Variants in CAMK2D observed in about 807,000 individuals in gnomAD.
CAMK2D encodes the protein calcium/calmodulin dependent protein kinase II delta.
A neutral mutation model predicts 84.0 loss-of-function variants in CAMK2D; 37 were observed. That is an observed-to-expected ratio of 0.44 (90% CI 0.34 to 0.58). The LOEUF is 0.58. Among genes scored for constraint, CAMK2D ranks in the 20% least tolerant of loss-of-function variants. The pLI, the probability that CAMK2D is intolerant of heterozygous loss-of-function variation, is 0.02. For missense variants in CAMK2D, 448 were observed against 652.5 expected (o/e 0.69, Z 3.41); for synonymous variants, 202 against 212.5 (o/e 0.95, Z 0.43).
At chr4:113,694,518 G>A (rs777097645) in intron 2 of CAMK2D, among the ~76,000 whole-genome samples, 6 of 152,126 alleles carry the variant, frequency 3.9e-5, no homozygotes, top group Non-Finnish European at 8.8e-5. Context: ...TGGGGAATGT[G>A]GGTCACATGT....
intron 2 of CAMK2D, among the ~76,000 whole-genome samples, chr4:113,733,545 C>T (rs1187324526): frequency 6.6e-6 from 1 of 152,120 alleles, no homozygotes; most frequent in African/African-American, 2.4e-5. Context: ...AGGGAAAAGT[C>T]AAGTTATCAG....
At chr4:113,754,032 T>G (rs1241308156) in intron 2 of CAMK2D, 1 of 890,070 alleles carries the variant, frequency 1.1e-6, no homozygotes, top group African/African-American at 1.8e-5. Context: ...CATTTAATAT[T>G]TATTAAATAA....
At chr4:113,684,405 A>G (rs1208723807) in intron 2 of CAMK2D, among the ~76,000 whole-genome samples, 1 of 152,226 alleles carries the variant, frequency 6.6e-6, no homozygotes, top group Non-Finnish European at 1.5e-5. Flanking sequence ...GCCAGAATAT[A>G]AGACATAAAA....
intron 2 of CAMK2D, among the ~76,000 whole-genome samples, chr4:113,738,326 A>G: frequency 6.6e-6 from 1 of 152,102 alleles, no homozygotes; most frequent in African/African-American, 2.4e-5. Context: ...CCTAAATATT[A>G]TACAAGATGG....
intron 2 of CAMK2D, among the ~76,000 whole-genome samples, chr4:113,710,018 G>A (rs2099487087): frequency 1.3e-5 from 2 of 151,400 alleles, no homozygotes; most frequent in African/African-American, 4.9e-5. Flanking sequence ...TAGGATATTT[G>A]GAAGAAAACT....
intron 4 of CAMK2D, among the ~76,000 whole-genome samples, chr4:113,586,763 C>G (rs1247300154): frequency 2.6e-5 from 4 of 152,074 alleles, no homozygotes; most frequent in Non-Finnish European, 5.9e-5. Context: ...TTATAACATC[C>G]AGAAGCTTAC....
intron 2 of CAMK2D, among the ~76,000 whole-genome samples, chr4:113,741,734 A>G (rs1414885709): frequency 6.6e-6 from 1 of 152,082 alleles, no homozygotes; most frequent in Non-Finnish European, 1.5e-5. Context: ...TAAGATCCAA[A>G]TTCCTTAACT....
At chr4:113,630,985 C>T (rs564942766) in intron 3 of CAMK2D, among the ~76,000 whole-genome samples, 23 of 152,180 alleles carry the variant, frequency 1.5e-4, no homozygotes, top group African/African-American at 3.9e-4. Context: ...TCATGGATCA[C>T]GACATATTAA....
At chr4:113,722,966 T>C (rs533641262) in intron 2 of CAMK2D, among the ~76,000 whole-genome samples, 13 of 152,258 alleles carry the variant, frequency 8.5e-5, no homozygotes, top group Admixed American at 7.8e-4. Flanking sequence ...GAAGGAAATA[T>C]TAAAAATGGG....
At chr4:113,531,935 T>G (rs2098461262) in intron 7 of CAMK2D, among the ~76,000 whole-genome samples, 1 of 152,206 alleles carries the variant, frequency 6.6e-6, no homozygotes, top group Non-Finnish European at 1.5e-5. Context: ...AAAATATTTA[T>G]TTCTGAAAAT....
At chr4:113,651,848 T>C (rs2099174270) in intron 3 of CAMK2D, among the ~76,000 whole-genome samples, 1 of 152,100 alleles carries the variant, frequency 6.6e-6, no homozygotes, top group South Asian at 2.1e-4. Context: ...CTAAAAGATG[T>C]AAAAGATAAG....
chr4:113,657,712 A>G (rs534185555), intron 3 of CAMK2D, among the ~76,000 whole-genome samples: 1 of 152,290 alleles, frequency 6.6e-6, no homozygotes, highest in Non-Finnish European at 1.5e-5. Flanking sequence ...TTGGTTTAAA[A>G]TGTGTTTCTT....
chr4:113,616,660 A>G (rs1167729840), intron 3 of CAMK2D, among the ~76,000 whole-genome samples: 1 of 152,190 alleles, frequency 6.6e-6, no homozygotes, highest in Admixed American at 6.5e-5. Flanking sequence ...AAACAGCATG[A>G]AAGAACAATC....
chr4:113,623,771 T>A (rs2099056525), intron 3 of CAMK2D, among the ~76,000 whole-genome samples: 1 of 151,838 alleles, frequency 6.6e-6, no homozygotes, highest in Non-Finnish European at 1.5e-5. Flanking sequence ...TGTTATGTTT[T>A]AATTAGTAAA....
At chr4:113,670,920 T>G (rs2099279008) in intron 2 of CAMK2D, among the ~76,000 whole-genome samples, 1 of 151,610 alleles carries the variant, frequency 6.6e-6, no homozygotes, top group African/African-American at 2.4e-5. Flanking sequence ...AGAGCGAGAC[T>G]CCGTCTCAAA....
At position 113,541,125 on chromosome 4, in the gene CAMK2D, A is replaced by T. The variant is rs1280166298; in HGVS notation, c.415-3682T>A. ...AAGTTTTCTTGAAACTGTTCAAATGACTCAAAGTACATAGGCAGGTTGATG... is the reference window on the plus strand; with the variant it reads ...AAGTTTTCTTGAAACTGTTCAAATGTCTCAAAGTACATAGGCAGGTTGATG... On this transcript the variant is annotated intron_variant, in intron 6 of 20. Transcript: ENST00000511664. Among the ~76,000 whole-genome samples the T allele has an allele frequency of 2.0e-5, 3 of 152,180 alleles. No homozygotes were observed. In the East Asian group the frequency reaches 5.8e-4, roughly 29 times the overall value.
rs76961763 is a variant in CAMK2D, at chr4:113,679,785, T to G, written c.161-18013A>C. The stretch of plus-strand genomic sequence containing the variant: ...TCAACTTCATAGTAGGTGTCAGACT[T>G]ACTAGTTTTCTTAAGACAAAGATAA... On this transcript the variant is annotated intron_variant, in intron 2 of 20. Transcript: ENST00000511664. Among the ~76,000 whole-genome samples the G allele has an allele frequency of 9.1e-3, 1,383 of 152,318 alleles. 17 individuals are homozygous for G. Among genetic ancestry groups the G allele is most frequent in the Non-Finnish European group, 0.014 (948 of 68,022 alleles).
At chr4:113,710,294 T>A (rs2099488056) in intron 2 of CAMK2D, among the ~76,000 whole-genome samples, 1 of 152,130 alleles carries the variant, frequency 6.6e-6, no homozygotes, top group South Asian at 2.1e-4. Context: ...TTAGAGGATA[T>A]TCATATCAGG....
intron 4 of CAMK2D, among the ~76,000 whole-genome samples, chr4:113,594,041 A>G (rs1404855919): frequency 6.6e-6 from 1 of 152,190 alleles, no homozygotes; most frequent in Non-Finnish European, 1.5e-5. Flanking sequence ...GTATGGCAGC[A>G]TTTGCTTCTG....
Sources: gnomAD v4.1 joint callset for allele counts (sites outside exome capture counted in the v4.1 genomes callset) on GRCh38, gnomAD v4.1.1 for gene constraint, MANE v1.5 for transcripts, NCBI Gene and HGNC (gene_info 2026-07-23, HGNC 2026-07-21) for gene names.